Variants in TAF1C observed in about 807,000 individuals in gnomAD.
The protein encoded by TAF1C is TATA-box binding protein associated factor, RNA polymerase I subunit C, also known as TATA box-binding protein-associated factor RNA polymerase I subunit C.
TAF1C carries 79 observed loss-of-function variants against 70.5 expected under a neutral mutation model. That is an observed-to-expected ratio of 1.12 (90% CI 0.93 to 1.35). The LOEUF is 1.35. Ranked by LOEUF, TAF1C falls within the 40% of genes most tolerant of loss-of-function variation. The pLI, the probability that TAF1C is intolerant of heterozygous loss-of-function variation, is 0.00. For synonymous variants in TAF1C, 614 were observed against 491.1 expected (o/e 1.25, Z -3.31); for missense variants, 1,412 against 1,127.8 (o/e 1.25, Z -3.61).
rs4150132 is a variant in TAF1C at position 84,184,194 on chromosome 16, C to T, written c.139-416G>A. Among the ~76,000 whole-genome samples, 588 of 152,288 alleles carry T rather than the reference C, an allele frequency of 3.9e-3. 2 individuals carry two copies. The highest frequency in any genetic ancestry group is 0.014 in the African/African-American group (569 of 41,568). ...CTGGGCTGGCCTGGGATGTTTCGGC[C>T]CAGACATTCAGGGGACAAAAGAGCT... On this transcript the variant is annotated intron_variant, in intron 2 of 14. Coordinates refer to ENST00000566732, the MANE Select transcript of TAF1C (RefSeq NM_001243156.2).
rs2089130075 is a variant in TAF1C at position 84,180,789 on chromosome 16, C to A, written c.1308+254G>T. On this transcript the variant is annotated intron_variant, in intron 12 of 14. Transcript: ENST00000566732. Reference sequence around the variant, plus strand: ...TCTGCACGGAAGCCCCACCCCGAGGCCCCTCCTCCCCTGCTCCACCCCTGG... The same window carrying A: ...TCTGCACGGAAGCCCCACCCCGAGGACCCTCCTCCCCTGCTCCACCCCTGG... The A allele has an allele frequency of 3.7e-6, 5 of 1,347,916 alleles. No homozygotes were observed. The South Asian group carries it at 6.0e-5, about 16-fold the overall frequency. The allele number at this position is 1,347,916 out of a possible 1,614,324, so 83.5% of individuals were successfully genotyped here.
chr16:84,183,132 C>G lies in TAF1C; in HGVS notation c.426G>C (p.Lys142Asn). The G allele has an allele frequency of 1.9e-6, 3 of 1,614,036 alleles. No homozygotes were observed. Among genetic ancestry groups the G allele is most frequent in the Admixed American group, 1.7e-5 (1 of 60,020 alleles). The change falls in exon 6 of 15, where the codon AAG (lysine) becomes AAC (asparagine). Residue 142 changes from lysine to asparagine, a missense_variant. Coordinates refer to ENST00000566732, the MANE Select transcript of TAF1C (RefSeq NM_001243156.2). ...LEGAGSRTKKKTVVSVKKLLQ... is the reference protein window; with the variant it reads ...LEGAGSRTKKNTVVSVKKLLQ... Reference sequence around the variant, plus strand: ...GCAGCTTCTTCACACTGACCACTGTCTTCTTCTTAGTGCGGCTCTGCATGG... The same window carrying G: ...GCAGCTTCTTCACACTGACCACTGTGTTCTTCTTAGTGCGGCTCTGCATGG...
Position 84,180,177 on chromosome 16 carries a change from G to T in TAF1C, c.1476C>A (p.His492Gln). 6.4e-7 allele frequency: 1 copy of T among 1,552,668 alleles called. No homozygotes were observed. Among genetic ancestry groups the T allele is most frequent in the African/African-American group, 1.4e-5 (1 of 72,466 alleles). The change falls in exon 13 of 15, where the codon CAC becomes CAA. Residue 492 changes from histidine to glutamine, a missense_variant. Transcript: ENST00000566732. ...GGQGGQLQLL[H>Q]LAGEGASVPR... is the part of the protein sequence containing the mutation. The stretch of plus-strand genomic sequence containing the variant: ...CCTGGCCTGGACCCTCACCTGCCAG[G>T]TGCAGCAGCTGCAGCTGCCCACCCT...
chr16:84,183,789 G>C lies in TAF1C; in HGVS notation c.139-11C>G. Reference sequence around the variant, plus strand: ...ATGCAGTGCCCCATTCTGAAGGGAGGACAATCGCAAGGACAGTATCATGAT... The same window carrying C: ...ATGCAGTGCCCCATTCTGAAGGGAGCACAATCGCAAGGACAGTATCATGAT... On this transcript the variant is annotated splice_polypyrimidine_tract_variant and intron_variant, in intron 2 of 14. Coordinates refer to ENST00000566732, the MANE Select transcript of TAF1C (RefSeq NM_001243156.2). 6.2e-7 allele frequency: 1 copy of C among 1,604,972 alleles called. No individual in the cohort carries two copies. The highest frequency in any genetic ancestry group is 1.1e-5 in the South Asian group (1 of 90,320).
At position 84,182,592 on chromosome 16, in the gene TAF1C, A is replaced by T; in HGVS notation, c.483-152T>A. 1 of 745,902 alleles carries T rather than the reference A, an allele frequency of 1.3e-6. No individual in the cohort carries two copies. The highest frequency in any genetic ancestry group is 2.1e-6 in the Non-Finnish European group (1 of 468,966). The allele number at this position is 745,902 out of a possible 1,614,324, so 46.2% of individuals were successfully genotyped here. ...ACCCCATCCTGTTCCCATGCCCCGGAAGCAATCATGTGACCCAGACCTGGC... is the reference window on the plus strand; with the variant it reads ...ACCCCATCCTGTTCCCATGCCCCGGTAGCAATCATGTGACCCAGACCTGGC... On this transcript the variant is annotated intron_variant, in intron 6 of 14. Coordinates refer to ENST00000566732, the MANE Select transcript of TAF1C (RefSeq NM_001243156.2). The surrounding 1 kb of genome is among the most constrained non-coding windows in gnomAD (Gnocchi z 5.0).
chr16:84,179,906 T>C, intron 14 of TAF1C, 40 bp downstream of exon 14: 5 of 1,608,136 alleles, frequency 3.1e-6, no homozygotes, highest in Non-Finnish European at 4.2e-6. Flanking sequence ...GGGGATGTTT[T>C]CCACTGCGCC....
chr16:84,185,998 C>G (rs749966238), intron 1 of TAF1C, among the ~76,000 whole-genome samples: 14 of 152,192 alleles, frequency 9.2e-5, no homozygotes, highest in Non-Finnish European at 1.3e-4. Context: ...ACAAAAATAA[C>G]AGGGGCAAAA....
chr16:84,185,357 G>C (rs1408963480), intron 1 of TAF1C: 1 of 166,934 alleles, frequency 6.0e-6, no homozygotes, highest in Non-Finnish European at 1.3e-5. Flanking sequence ...GAAAATCCTA[G>C]AGCAGTGAAG....
Position 84,183,790 on chromosome 16 carries a change from A to G in TAF1C, c.139-12T>C. On this transcript the variant is annotated splice_polypyrimidine_tract_variant and intron_variant, in intron 2 of 14. Coordinates refer to ENST00000566732, the MANE Select transcript of TAF1C (RefSeq NM_001243156.2). ...TGCAGTGCCCCATTCTGAAGGGAGG[A>G]CAATCGCAAGGACAGTATCATGATG... The G allele has an allele frequency of 6.2e-7, 1 of 1,604,490 alleles. No individual in the cohort carries two copies. The highest frequency in any genetic ancestry group is 1.7e-5 in the Admixed American group (1 of 59,540).
Position 84,179,501 on chromosome 16 carries a change from T to C in TAF1C, c.1972A>G (p.Lys658Glu). ...AGGAGCTGCCCTCGGGCCATGGCCT[T>C]GCGGAGCACACCCAGCCGCTGCCCT... The part of the protein sequence containing the change: ...EEGQRLGVLR[K>E]AMARGQLLLQ... The change falls in exon 15 of 15, where the codon AAG (lysine) becomes GAG (glutamate). Residue 658 changes from lysine (K) to glutamate (E), a missense_variant. By Grantham distance (56) the Lys-to-Glu change is moderately conservative (BLOSUM62 1). Transcript: ENST00000566732. 1.2e-6 allele frequency: 2 copies of C among 1,602,940 alleles called. No homozygotes were observed. Among genetic ancestry groups the C allele is most frequent in the Non-Finnish European group, 8.5e-7 (1 of 1,176,356 alleles).
chr16:84,183,316 C>G lies in TAF1C; in HGVS notation c.336G>C (p.Leu112Phe). 1 of 1,613,982 alleles carries G rather than the reference C, an allele frequency of 6.2e-7. No individual in the cohort carries two copies. Among genetic ancestry groups the G allele is most frequent in the Non-Finnish European group, 8.5e-7 (1 of 1,180,032 alleles). ...DVTEQISRFLLDHGDVAFAPL... is the reference protein window; with the variant it reads ...DVTEQISRFLFDHGDVAFAPL... ...GCGCAAAGGCTACGTCTCCATGATC[C>G]AAGAGGAACCGGCTGATCTGGGGAG... is the stretch of plus-strand genomic sequence containing the variant. Residue 112 changes from leucine (L) to phenylalanine (F), a missense_variant, in exon 5 of 15, where the codon TTG becomes TTC. Physicochemically the swap from Leu to Phe is conservative, Grantham distance 22. Coordinates refer to ENST00000566732, the MANE Select transcript of TAF1C (RefSeq NM_001243156.2).
chr16:84,182,066 T>A lies in TAF1C; in HGVS notation c.722-8A>T. ...GAACGACCTCTTGGAAATCTGGGCC[T>A]CTCACTAAGGATCAGTGCACGAGCT... On this transcript the variant is annotated splice_polypyrimidine_tract_variant and splice_region_variant and intron_variant, in intron 7 of 14. Coordinates refer to ENST00000566732, the MANE Select transcript of TAF1C (RefSeq NM_001243156.2). This position sits in a 1 kb window ranked among gnomAD's most constrained non-coding sequence, Gnocchi z 5.0. The A allele has an allele frequency of 6.2e-7, 1 of 1,612,552 alleles. No individual in the cohort carries two copies. Among genetic ancestry groups the A allele is most frequent in the Non-Finnish European group, 8.5e-7 (1 of 1,179,550 alleles).
Position 84,181,467 on chromosome 16 carries a change from G to A in TAF1C, c.1029-4C>T, listed in dbSNP as rs749122375. ...GTCCCTGTAGATTTGCCGCAGCCTT[G>A]GGGAGACAGGCAAGCCGTGGGCAGG... is the stretch of plus-strand genomic sequence containing the variant. On this transcript the variant is annotated splice_region_variant and splice_polypyrimidine_tract_variant and intron_variant, in intron 10 of 14. Transcript: ENST00000566732. 1.9e-6 allele frequency: 3 copies of A among 1,613,690 alleles called. No individual in the cohort carries two copies. The highest frequency in any genetic ancestry group is 1.7e-6 in the Non-Finnish European group (2 of 1,179,970).
At chr16:84,184,809 G>T (rs1248715405) in intron 2 of TAF1C, 42 bp downstream of exon 2, 2 of 1,556,128 alleles carry the variant, frequency 1.3e-6, no homozygotes. Context: ...CCAGGGAAGG[G>T]ATGTCCCTGG....
chr16:84,179,074 C>T lies in TAF1C; in HGVS notation c.2399G>A (p.Arg800Lys). 1 of 1,610,636 alleles carries T rather than the reference C, an allele frequency of 6.2e-7. No homozygotes were observed. The highest frequency in any genetic ancestry group is 2.2e-5 in the East Asian group (1 of 44,858). ...RDYMAKLPPQ[R>K]DTPGCATTPP... is the part of the protein sequence containing the mutation. ...TGTGGTGGCACAGCCTGGGGTGTCC[C>T]TCTGGGGTGGTAGCTTGGCCATGTA... The change falls in exon 15 of 15, where the codon AGG (arginine) becomes AAG (lysine). Residue 800 changes from arginine (R) to lysine (K), a missense_variant. Physicochemically the swap from Arg to Lys is conservative, Grantham distance 26. Coordinates refer to ENST00000566732, the MANE Select transcript of TAF1C (RefSeq NM_001243156.2).
At chr16:84,184,017 G>A (rs184536989) in intron 2 of TAF1C, among the ~76,000 whole-genome samples, 1 of 152,226 alleles carries the variant, frequency 6.6e-6, no homozygotes, top group Non-Finnish European at 1.5e-5. Context: ...TGACCCCAGA[G>A]CTCCTGTTTC....
chr16:84,182,468 C>A lies in TAF1C; in HGVS notation c.483-28G>T. On this transcript the variant is annotated intron_variant, in intron 6 of 14. Coordinates refer to ENST00000566732, the MANE Select transcript of TAF1C (RefSeq NM_001243156.2). This position sits in a 1 kb window ranked among gnomAD's most constrained non-coding sequence, Gnocchi z 5.0. ...GGGGACCAGAGAACAGCAGGAGGAT[C>A]ACTCGGTGGCACTCAGGGGAGGACA... 6.3e-7 allele frequency: 1 copy of A among 1,575,862 alleles called. No individual in the cohort carries two copies. Among genetic ancestry groups the A allele is most frequent in the Non-Finnish European group, 8.6e-7 (1 of 1,163,508 alleles).
chr16:84,186,460 C>T (rs557245237), intron 1 of TAF1C, among the ~76,000 whole-genome samples: 12 of 152,032 alleles, frequency 7.9e-5, no homozygotes, highest in Non-Finnish European at 1.3e-4. Flanking sequence ...AGGCTGGGCA[C>T]GAAAATCGCT....
rs1481099185 is a variant in TAF1C at position 84,180,869 on chromosome 16, T to C, written c.1308+174A>G. The C allele has an allele frequency of 4.2e-6, 6 of 1,417,424 alleles. No homozygotes were observed. In the African/African-American group the frequency reaches 5.8e-5, roughly 14 times the overall value. 87.8% of individuals were successfully genotyped at this position (1,417,424 alleles called of 1,614,324 possible). ...CCCTGGGAGAGCTTCCCCACCTGCCTGTTAGCACCGACTGTGGGATCCACT... is the reference window on the plus strand; with the variant it reads ...CCCTGGGAGAGCTTCCCCACCTGCCCGTTAGCACCGACTGTGGGATCCACT... On this transcript the variant is annotated intron_variant, in intron 12 of 14. Transcript: ENST00000566732.
Sources: gnomAD v4.1 joint callset for allele counts (sites outside exome capture counted in the v4.1 genomes callset) on GRCh38, gnomAD v4.1.1 for gene constraint, Gnocchi (gnomAD v3.1) non-coding constraint, MANE v1.5 for transcripts, NCBI Gene and HGNC (gene_info 2026-07-23, HGNC 2026-07-21) for gene names.